The following CSMD3 variants were observed in gnomAD, a reference collection of about 807,000 sequenced individuals.
The protein encoded by CSMD3 is CUB and Sushi multiple domains 3.
A neutral mutation model predicts 435.2 loss-of-function variants in CSMD3; 177 were observed. The ratio of observed to expected loss-of-function variants is 0.41; its 90% CI spans 0.36 to 0.46. CSMD3 has a LOEUF of 0.46. CSMD3 is among the 20% of genes least tolerant of loss of function. The pLI is 0.34. For missense variants in CSMD3, 4,265 were observed against 4,504.6 expected (o/e 0.95, Z 1.52); for synonymous variants, 1,656 against 1,520.5 (o/e 1.09, Z -2.07).
intron 3 of CSMD3, among the ~76,000 whole-genome samples, chr8:113,269,991 C>A (rs2093507135): frequency 6.6e-6 from 1 of 151,268 alleles, no homozygotes; most frequent in Admixed American, 6.6e-5. Context: ...AGAGCTTCTG[C>A]ACAGCAAAAG....
chr8:113,056,302 T>G (rs937142736), intron 5 of CSMD3, among the ~76,000 whole-genome samples: 2 of 152,184 alleles, frequency 1.3e-5, no homozygotes, highest in African/African-American at 4.8e-5. Flanking sequence ...TGAATGCCAG[T>G]GTTAGAAAGA....
chr8:113,220,957 A>T, intron 3 of CSMD3, among the ~76,000 whole-genome samples: 1 of 151,372 alleles, frequency 6.6e-6, no homozygotes, highest in East Asian at 1.9e-4. Context: ...GACAAACCCC[A>T]AATAATAAAA....
At chr8:112,338,448 T>C (rs1037189602) in intron 42 of CSMD3, among the ~76,000 whole-genome samples, 7 of 152,148 alleles carry the variant, frequency 4.6e-5, no homozygotes, top group Middle Eastern at 3.2e-3. Context: ...ACTAAATAAA[T>C]GTTAGACCTA....
intron 5 of CSMD3, among the ~76,000 whole-genome samples, chr8:113,031,113 C>T (rs1046512160): frequency 6.6e-6 from 1 of 151,534 alleles, no homozygotes; most frequent in Non-Finnish European, 1.5e-5. Flanking sequence ...ATTGCACTTG[C>T]CATGCAATTC....
intron 9 of CSMD3, among the ~76,000 whole-genome samples, chr8:112,931,606 A>T (rs1438521587): frequency 6.6e-6 from 1 of 152,158 alleles, no homozygotes; most frequent in Non-Finnish European, 1.5e-5. Context: ...ATGGGACTAC[A>T]GTAAACCAGA....
rs2130946512 is a variant in CSMD3, at chr8:112,335,324, C to G, written c.7165+5G>C. The G allele has an allele frequency of 6.2e-7, 1 of 1,613,320 alleles. No homozygotes were observed. Among genetic ancestry groups the G allele is most frequent in the Non-Finnish European group, 8.5e-7 (1 of 1,179,460 alleles). On this transcript the variant is annotated splice_donor_5th_base_variant and intron_variant, in intron 45 of 70. Transcript: ENST00000297405. ...ATGAAATAGGAACTCTCAGATAATACCAACCGTGATAACTGAGCACAAAAA... is the reference window on the plus strand; with the variant it reads ...ATGAAATAGGAACTCTCAGATAATAGCAACCGTGATAACTGAGCACAAAAA...
At chr8:112,894,850 GA>G (rs901039633) in intron 10 of CSMD3, among the ~76,000 whole-genome samples, 9 of 146,054 alleles carry the variant, frequency 6.2e-5, no homozygotes, top group Non-Finnish European at 7.6e-5. Context: ...AAAGAGAATT[GA>G]AAAAAAAACA....
At position 112,380,409 on chromosome 8, in the gene CSMD3, G is replaced by T. The variant is rs1023419305; in HGVS notation, c.6079C>A (p.Leu2027Ile). 10 of 1,603,712 alleles carry T rather than the reference G, an allele frequency of 6.2e-6. No homozygotes were observed. Among genetic ancestry groups the T allele is most frequent in the Non-Finnish European group, 7.7e-6 (9 of 1,171,022 alleles). Reference protein sequence around the residue: ...LLNSTSNNLYLNFQSDISVSA... With the variant: ...LLNSTSNNLYINFQSDISVSA... ...ACACTGATGTCTGATTGAAAATTTA[G>T]ATACAGATTATTAGACGTACTATTC... is the stretch of plus-strand genomic sequence containing the variant. The change falls in exon 38 of 71, where the codon CTA becomes ATA. Residue 2027 changes from leucine to isoleucine, a missense_variant. Physicochemically the swap from Leu to Ile is conservative, Grantham distance 5 (BLOSUM62 2). Transcript: ENST00000297405.
chr8:113,327,938 A>G (rs1417443879), intron 1 of CSMD3, among the ~76,000 whole-genome samples: 1 of 152,174 alleles, frequency 6.6e-6, no homozygotes, highest in East Asian at 1.9e-4. Context: ...GTGCATGTAC[A>G]GGCCTGTGTG....
chr8:112,996,182 G>A (rs1047150603), intron 6 of CSMD3, among the ~76,000 whole-genome samples: 19 of 151,180 alleles, frequency 1.3e-4, no homozygotes, highest in African/African-American at 4.1e-4. Flanking sequence ...TAGTCATTAT[G>A]TTGTATAATA....
chr8:112,270,747 A>G (rs144669208), intron 59 of CSMD3, among the ~76,000 whole-genome samples: 2,021 of 152,272 alleles, frequency 0.013, 32 homozygotes, highest in Middle Eastern at 0.044. Context: ...AGATTTTTGA[A>G]AAGCTAAAAA....
At chr8:112,237,127 G>A in intron 67 of CSMD3, 63 bp downstream of exon 67, 1 of 1,520,500 alleles carries the variant, frequency 6.6e-7, no homozygotes, top group Non-Finnish European at 9.1e-7. Flanking sequence ...TACTAAAAAT[G>A]ATGAAATCAT....
At chr8:112,962,747 A>C (rs1175968383) in intron 7 of CSMD3, among the ~76,000 whole-genome samples, 1 of 151,880 alleles carries the variant, frequency 6.6e-6, no homozygotes, top group Non-Finnish European at 1.5e-5. Flanking sequence ...GCTATTCAAA[A>C]TGCCAACACA....
intron 3 of CSMD3, among the ~76,000 whole-genome samples, chr8:113,237,859 G>A (rs549863016): frequency 9.9e-5 from 15 of 152,144 alleles, no homozygotes; most frequent in South Asian, 4.2e-4. Context: ...GGCAGATCAC[G>A]AGGTCAGGAG....
At chr8:112,922,555 C>T (rs1002803873) in intron 9 of CSMD3, among the ~76,000 whole-genome samples, 24 of 151,844 alleles carry the variant, frequency 1.6e-4, no homozygotes, top group Admixed American at 1.3e-3. Flanking sequence ...CTCTGGTAAC[C>T]ATTATTCTAA....
At chr8:112,573,376 T>C in intron 24 of CSMD3, 125 bp downstream of exon 24, 2 of 869,934 alleles carry the variant, frequency 2.3e-6, no homozygotes, top group Non-Finnish European at 3.8e-6. Context: ...TAAAATTATA[T>C]ATGTAGAAAG....
At chr8:112,962,118 GTTAATA>G (rs1265140194) in intron 7 of CSMD3, among the ~76,000 whole-genome samples, 1 of 151,374 alleles carries the variant, frequency 6.6e-6, no homozygotes, top group Non-Finnish European at 1.5e-5. Flanking sequence ...CGGTTGTACA[GTTAATA>G]TTAATATCCA....
intron 3 of CSMD3, among the ~76,000 whole-genome samples, chr8:113,220,636 A>G (rs1754241887): frequency 2.6e-5 from 4 of 151,458 alleles, no homozygotes; most frequent in Admixed American, 2.0e-4. Flanking sequence ...TAATAAATCT[A>G]TAATACATAA....
chr8:112,438,927 G>A (rs1351750897), intron 32 of CSMD3, among the ~76,000 whole-genome samples: 3 of 152,146 alleles, frequency 2.0e-5, no homozygotes, highest in African/African-American at 7.2e-5. Flanking sequence ...TGAATTCTGA[G>A]GAAGGAAGAA....
Sources: allele counts gnomAD v4.1 joint callset (sites outside exome capture counted in the v4.1 genomes callset), GRCh38; gene constraint gnomAD v4.1.1; transcripts MANE v1.5; gene names NCBI Gene and HGNC (gene_info 2026-07-23, HGNC 2026-07-21).